The following TRAF5 variants were observed in gnomAD, a reference collection of about 807,000 sequenced individuals.
TRAF5 encodes TNF receptor associated factor 5, also known as TNF receptor-associated factor 5.
Under a neutral mutation model 64.5 loss-of-function variants are expected in TRAF5, and 48 were observed. That is an observed-to-expected ratio of 0.74 (90% CI 0.59 to 0.95). TRAF5 has a LOEUF of 0.95. Among genes scored for constraint, TRAF5 ranks in the 40% least tolerant of loss-of-function variants. The pLI, the probability that TRAF5 is intolerant of heterozygous loss-of-function variation, is 0.00. For missense variants in TRAF5, 545 were observed against 662.8 expected, an observed-to-expected ratio of 0.82 and a Z score of 1.95; for synonymous variants, 206 against 240.5, an observed-to-expected ratio of 0.86 and a Z score of 1.33.
intron 8 of TRAF5, among the ~76,000 whole-genome samples, chr1:211,365,947 C>T (rs540349916): frequency 6.6e-6 from 1 of 152,296 alleles, no homozygotes; most frequent in South Asian, 2.1e-4. Context: ...TAAGTCTAAA[C>T]TGCCTTTGCA....
In TRAF5 at chr1:211,345,154, T is replaced by C. The variant is rs187045442; in HGVS notation, c.-1-8085T>C. Among the ~76,000 whole-genome samples the C allele has an allele frequency of 1.6e-4, 24 of 152,152 alleles. No individual in the cohort carries two copies. In the East Asian group the frequency reaches 4.1e-3, roughly 26 times the overall value. ...CTGGTCTTGAACTCCCGACCTCAGGTGATCTACCCACCTCGGCCTCCCAGA... is the reference window on the plus strand; with the variant it reads ...CTGGTCTTGAACTCCCGACCTCAGGCGATCTACCCACCTCGGCCTCCCAGA... On this transcript the variant is annotated intron_variant, in intron 1 of 10. Coordinates refer to ENST00000261464, the MANE Select transcript of TRAF5 (RefSeq NM_001033910.3).
At chr1:211,330,775 A>G (rs1177053890) in intron 1 of TRAF5, among the ~76,000 whole-genome samples, 1 of 152,120 alleles carries the variant, frequency 6.6e-6, no homozygotes, top group East Asian at 1.9e-4. Context: ...CCCCACCAGC[A>G]TTCCCTTCCT....
At chr1:211,326,738 C>A, upstream of TRAF5, 2 of 985,720 alleles carry the variant, frequency 2.0e-6, no homozygotes, top group Non-Finnish European at 2.4e-6. This position sits in a 1 kb window ranked among gnomAD's most constrained non-coding sequence, Gnocchi z 5.0. Context: ...TCCTGCGCGT[C>A]CGCTCTTCCC....
At chr1:211,345,748 CAGAG>C (rs1336159082) in intron 1 of TRAF5, among the ~76,000 whole-genome samples, 1 of 152,196 alleles carries the variant, frequency 6.6e-6, no homozygotes, top group East Asian at 1.9e-4. Context: ...AGCCTGTCCA[CAGAG>C]AGAGGGGCCA....
At chr1:211,338,787 G>C (rs761358741) in intron 1 of TRAF5, among the ~76,000 whole-genome samples, 45 of 152,060 alleles carry the variant, frequency 3.0e-4, no homozygotes, top group Non-Finnish European at 5.1e-4. Flanking sequence ...ACCATGCCCA[G>C]GTAATTTTTA....
At chr1:211,346,641 AG>A (rs1458225413) in intron 1 of TRAF5, among the ~76,000 whole-genome samples, 5 of 152,168 alleles carry the variant, frequency 3.3e-5, no homozygotes, top group Non-Finnish European at 7.3e-5. Context: ...AGGGGTATGG[AG>A]GTGGTATGGA....
chr1:211,372,081 A>C (rs1302025731), intron 10 of TRAF5, 47 bp from the exon 11 acceptor site: 4 of 1,466,446 alleles, frequency 2.7e-6, no homozygotes, highest in East Asian at 2.3e-5. Context: ...TTTAAAGATA[A>C]CTTTTAGGCC....
At chr1:211,347,951 T>G (rs1178708726) in intron 1 of TRAF5, among the ~76,000 whole-genome samples, 2 of 152,266 alleles carry the variant, frequency 1.3e-5, no homozygotes, top group Non-Finnish European at 2.9e-5. Context: ...CGGCAAATGC[T>G]ACAAGCTGGA....
chr1:211,361,854 G>A (rs1253848199), intron 7 of TRAF5, among the ~76,000 whole-genome samples: 1 of 151,786 alleles, frequency 6.6e-6, no homozygotes, highest in Non-Finnish European at 1.5e-5. Flanking sequence ...CCGCCATCAT[G>A]CCTGGCTAAT....
rs759083405 is a variant in TRAF5, at chr1:211,353,288, C to T, written c.49C>T (p.Gln17Ter). Reference sequence around the variant, plus strand: ...AGGTATGCCCTGTGGTTTCATCCGCCAGAATTCCGGCAACTCCATTTCCTT... The same window carrying T: ...AGGTATGCCCTGTGGTTTCATCCGCTAGAATTCCGGCAACTCCATTTCCTT... ...HKGMPCGFIRQNSGNSISLDF... is the reference protein window; with the variant it reads ...HKGMPCGFIR Residue 17 changes from glutamine to a stop codon, truncating the protein, a stop_gained, in exon 2 of 11, where the codon CAG becomes TAG. Coordinates refer to ENST00000261464, the MANE Select transcript of TRAF5 (RefSeq NM_001033910.3). LOFTEE classifies it high-confidence loss of function. The T allele has an allele frequency of 6.2e-7, 1 of 1,614,216 alleles. No homozygotes were observed. Among genetic ancestry groups the T allele is most frequent in the East Asian group, 2.2e-5 (1 of 44,884 alleles).
At position 211,361,104 on chromosome 1, in the gene TRAF5, C is replaced by A. The variant is rs377012367; in HGVS notation, c.638C>A (p.Ala213Asp). 1.2e-5 allele frequency: 20 copies of A among 1,613,990 alleles called. No individual in the cohort carries two copies. The highest frequency in any genetic ancestry group is 1.7e-5 in the Non-Finnish European group (20 of 1,179,998). ...ATTTCGTAGGTAGATGAACACCTGG[C>A]TGTATGTCCTGAAGCTGAGCAAGAC... ...ILKTEVDEHL[A>D]VCPEAEQDCP... Residue 213 changes from alanine (A) to aspartate (D), a missense_variant, in exon 7 of 11, where the codon GCT (alanine) becomes GAT (aspartate). Transcript: ENST00000261464.
intron 4 of TRAF5, chr1:211,358,967 A>G (rs1483090521): frequency 6.6e-6 from 1 of 151,678 alleles, no homozygotes; most frequent in African/African-American, 2.4e-5. Context: ...TAAAATTTAA[A>G]TAACTTATTA....
intron 8 of TRAF5, among the ~76,000 whole-genome samples, chr1:211,368,535 G>T (rs1703425817): frequency 6.6e-6 from 1 of 152,194 alleles, no homozygotes; most frequent in Admixed American, 6.6e-5. Context: ...AGCAGGACCA[G>T]TTAGAAAGCT....
intron 10 of TRAF5, 25 bp from the exon 11 acceptor site, chr1:211,372,103 T>G (rs747534561): frequency 1.4e-5 from 17 of 1,198,236 alleles, no homozygotes; most frequent in Middle Eastern, 2.5e-4. Flanking sequence ...ATGGAATCTT[T>G]TTTTTTTTTT....
intron 6 of TRAF5, 37 bp downstream of exon 6, chr1:211,360,816 A>C (rs749744491): frequency 3.1e-5 from 48 of 1,571,954 alleles, no homozygotes; most frequent in Non-Finnish European, 3.9e-5. Context: ...ATTTTATGGA[A>C]GATAACGTTT....
At position 211,334,652 on chromosome 1, in the gene TRAF5, C is replaced by T. The variant is rs151078043; in HGVS notation, c.-2+7763C>T. 9.2e-3 allele frequency among the ~76,000 whole-genome samples: 1,402 copies of T among 152,136 alleles called. 20 individuals are homozygous for T. The highest frequency in any genetic ancestry group is 0.032 in the African/African-American group (1,327 of 41,530). On this transcript the variant is annotated intron_variant, in intron 1 of 10. Transcript: ENST00000261464. The stretch of plus-strand genomic sequence containing the variant: ...CAGCCTGGGGGACAGAGTGAGACCC[C>T]GTCTCAAAACAAAACAAACAAACAA...
intron 1 of TRAF5, among the ~76,000 whole-genome samples, chr1:211,340,441 C>T (rs983479132): frequency 5.3e-5 from 8 of 152,118 alleles, no homozygotes; most frequent in South Asian, 2.1e-4. Context: ...TGCACCACCA[C>T]GCCCAGCTTT....
intron 7 of TRAF5, among the ~76,000 whole-genome samples, chr1:211,362,977 C>G (rs1161439560): frequency 6.6e-6 from 1 of 151,922 alleles, no homozygotes; most frequent in Non-Finnish European, 1.5e-5. Flanking sequence ...ATGGGCAGTT[C>G]CAGAAAAAAA....
chr1:211,348,491 G>A (rs75787863), intron 1 of TRAF5, among the ~76,000 whole-genome samples: 3,716 of 152,052 alleles, frequency 0.024, 122 homozygotes, highest in African/African-American at 0.082. Flanking sequence ...ATGGAAGTCT[G>A]TTTATCCATT....
Sources: gnomAD v4.1 joint callset for allele counts (sites outside exome capture counted in the v4.1 genomes callset) on GRCh38, gnomAD v4.1.1 for gene constraint, Gnocchi (gnomAD v3.1) non-coding constraint, MANE v1.5 for transcripts, NCBI Gene and HGNC (gene_info 2026-07-23, HGNC 2026-07-21) for gene names.